The following NIM1K variants were observed in gnomAD, a reference collection of about 807,000 sequenced individuals.
NIM1K encodes NIM1 serine/threonine protein kinase.
NIM1K carries 35 observed loss-of-function variants against 37.1 expected under a neutral mutation model. The ratio of observed to expected loss-of-function variants is 0.94; its 90% confidence interval spans 0.72 to 1.25. The LOEUF is 1.25. Ranked by LOEUF, NIM1K falls within the 50% of genes most tolerant of loss-of-function variation. The pLI is 0.00. For synonymous variants in NIM1K, 234 were observed against 206.6 expected (o/e 1.13, Z -1.14); for missense variants, 564 against 548.0 (o/e 1.03, Z -0.29).
At chr5:43,212,026 C>A (rs1752211480) in intron 1 of NIM1K, among the ~76,000 whole-genome samples, 2 of 152,134 alleles carry the variant, frequency 1.3e-5, no homozygotes, top group Admixed American at 6.6e-5. Context: ...GGATGATTAC[C>A]TAGATGCATT....
At chr5:43,236,328 A>G (rs894201855) in intron 1 of NIM1K, among the ~76,000 whole-genome samples, 1 of 151,998 alleles carries the variant, frequency 6.6e-6, no homozygotes, top group Admixed American at 6.6e-5. Context: ...AAAAAAATGG[A>G]GTCGCCAGAC....
chr5:43,236,355 A>G (rs1752621590), intron 1 of NIM1K, among the ~76,000 whole-genome samples: 2 of 151,942 alleles, frequency 1.3e-5, no homozygotes, highest in South Asian at 2.1e-4. Flanking sequence ...GGTGGATTGC[A>G]CCTGTAATCC....
intron 1 of NIM1K, among the ~76,000 whole-genome samples, chr5:43,205,014 A>G (rs1206091946): frequency 6.6e-6 from 1 of 152,116 alleles, no homozygotes; most frequent in African/African-American, 2.4e-5. Context: ...ACGAACAACA[A>G]CAACAAAAAA....
chr5:43,251,478 G>T (rs543509989), intron 2 of NIM1K, among the ~76,000 whole-genome samples: 2 of 152,276 alleles, frequency 1.3e-5, no homozygotes, highest in African/African-American at 4.8e-5. Context: ...TTTTACAAAC[G>T]AGGAGATGGA....
At chr5:43,218,986 C>T (rs1752345932) in intron 1 of NIM1K, among the ~76,000 whole-genome samples, 1 of 152,040 alleles carries the variant, frequency 6.6e-6, no homozygotes, top group Admixed American at 6.6e-5. Context: ...GGGAAGGTTT[C>T]CCCATCGGTT....
chr5:43,262,407 C>G (rs1486925383), intron 2 of NIM1K, among the ~76,000 whole-genome samples: 1 of 152,034 alleles, frequency 6.6e-6, no homozygotes, highest in African/African-American at 2.4e-5. Flanking sequence ...TTGGCTCTCT[C>G]TTTGTCTGTT....
intron 2 of NIM1K, among the ~76,000 whole-genome samples, chr5:43,266,899 G>T (rs1027391801): frequency 2.0e-5 from 3 of 152,184 alleles, no homozygotes; most frequent in Non-Finnish European, 2.9e-5. Context: ...CAGGAATATT[G>T]ATCTGTAGTT....
intron 1 of NIM1K, among the ~76,000 whole-genome samples, chr5:43,238,058 T>C (rs1338486214): frequency 1.3e-5 from 2 of 150,070 alleles, no homozygotes; most frequent in Non-Finnish European, 3.0e-5. Flanking sequence ...TTTTTTTTTT[T>C]TTGAGATGGA....
chr5:43,275,915 T>G (rs1407569452), intron 2 of NIM1K, among the ~76,000 whole-genome samples: 1 of 151,678 alleles, frequency 6.6e-6, no homozygotes, highest in Non-Finnish European at 1.5e-5. Context: ...TTTTTTTTTT[T>G]TCTGAGACGG....
At chr5:43,237,086 C>T (rs4866811) in intron 1 of NIM1K, among the ~76,000 whole-genome samples, 44,442 of 152,120 alleles carry the variant, frequency 0.29, 7,145 homozygotes, top group East Asian at 0.67. Flanking sequence ...TAACTGAGGA[C>T]TAGCTGTCTT....
intron 1 of NIM1K, among the ~76,000 whole-genome samples, chr5:43,244,480 G>A (rs1385128317): frequency 6.6e-6 from 1 of 152,222 alleles, no homozygotes; most frequent in Non-Finnish European, 1.5e-5. Context: ...TAGGTGGGCA[G>A]CATTTCTTGT....
chr5:43,214,797 G>C (rs1361032565), intron 1 of NIM1K, among the ~76,000 whole-genome samples: 3 of 117,256 alleles, frequency 2.6e-5, no homozygotes, highest in African/African-American at 6.6e-5. Context: ...GCCTGGGCTA[G>C]AGCAAGACTC....
chr5:43,255,443 G>T (rs1460385071), intron 2 of NIM1K, among the ~76,000 whole-genome samples: 1 of 152,152 alleles, frequency 6.6e-6, no homozygotes, highest in South Asian at 2.1e-4. Flanking sequence ...GTATTATGTA[G>T]CGATAAGTGA....
At chr5:43,265,483 C>T (rs1051342545) in intron 2 of NIM1K, among the ~76,000 whole-genome samples, 3 of 152,146 alleles carry the variant, frequency 2.0e-5, no homozygotes, top group African/African-American at 7.2e-5. Flanking sequence ...CATTTAAGGT[C>T]TTCTCTATGC....
At chr5:43,263,339 A>C (rs1416097448) in intron 2 of NIM1K, among the ~76,000 whole-genome samples, 1 of 151,974 alleles carries the variant, frequency 6.6e-6, no homozygotes, top group Non-Finnish European at 1.5e-5. Context: ...TAGTCTTGGG[A>C]GGGTGTATGT....
intron 1 of NIM1K, among the ~76,000 whole-genome samples, chr5:43,242,250 G>A (rs1752713604): frequency 6.6e-6 from 1 of 151,870 alleles, no homozygotes; most frequent in South Asian, 2.1e-4. Context: ...TTCCTGGGAG[G>A]CACCTGAAGT....
chr5:43,232,411 T>C, intron 1 of NIM1K: 4 of 1,452,174 alleles, frequency 2.8e-6, no homozygotes, highest in Non-Finnish European at 3.9e-6. Context: ...TGGTCTGGAA[T>C]TCTGTCAGAT....
intron 2 of NIM1K, among the ~76,000 whole-genome samples, chr5:43,269,309 AAAAAAAAAAAG>A (rs1045030588): frequency 8.7e-5 from 2 of 23,048 alleles, no homozygotes; most frequent in African/African-American, 4.0e-4. Flanking sequence ...ACTTCATCTC[AAAAAAAAAAAG>A]AAAAAAAAAA....
intron 1 of NIM1K, among the ~76,000 whole-genome samples, chr5:43,221,980 T>C (rs1452044569): frequency 6.6e-6 from 1 of 152,232 alleles, no homozygotes; most frequent in African/African-American, 2.4e-5. Context: ...AATAAACGGA[T>C]GAAGCATTCT....
Sources: gnomAD v4.1 joint callset for allele counts (sites outside exome capture counted in the v4.1 genomes callset) on GRCh38, gnomAD v4.1.1 for gene constraint, MANE v1.5 for transcripts, NCBI Gene and HGNC (gene_info 2026-07-23, HGNC 2026-07-21) for gene names.